The following PEX14 variants were observed in gnomAD, a reference collection of about 807,000 sequenced individuals.
PEX14 encodes peroxisomal membrane protein PEX14.
PEX14 carries 15 observed loss-of-function variants against 49.5 expected under a neutral mutation model. The observed-to-expected ratio is 0.30, with a 90% CI of 0.20 to 0.47. The LOEUF is 0.47. PEX14 is among the 20% of genes least tolerant of loss of function. The pLI is 1.00. For missense variants in PEX14, 398 were observed against 494.8 expected (o/e 0.80, Z 1.86); for synonymous variants, 210 against 212.7 (o/e 0.99, Z 0.11).
chr1:10,591,726 T>C (rs917421655), intron 3 of PEX14, among the ~76,000 whole-genome samples: 1 of 151,968 alleles, frequency 6.6e-6, no homozygotes, highest in Admixed American at 6.6e-5. Flanking sequence ...CCTGATGTTC[T>C]CTTTGGCTTT....
At position 10,624,362 on chromosome 1, in the gene PEX14, C is replaced by T. The variant is rs1319304159; in HGVS notation, c.510C>T (p.Leu170=). 5.6e-6 allele frequency: 9 copies of T among 1,612,850 alleles called. No individual in the cohort carries two copies. The highest frequency in any genetic ancestry group is 3.3e-5 in the Admixed American group (2 of 60,008). The change falls in exon 7 of 9, where the codon CTC becomes CTT. Residue 170 remains leucine (L), a synonymous_variant. Coordinates refer to ENST00000356607, the MANE Select transcript of PEX14 (RefSeq NM_004565.3). The part of the protein sequence containing the change: ...AQTVTQLQTT[L]ASVQELLIQQ... Reference sequence around the variant, plus strand: ...CAGTGACTCAGTTACAGACGACCCTCGCCTCCGTCCAGGAGCTGCTGATTC... The same window carrying T: ...CAGTGACTCAGTTACAGACGACCCTTGCCTCCGTCCAGGAGCTGCTGATTC...
At chr1:10,520,145 C>CTTTTTTTTTTTTT (rs1412156646) in intron 2 of PEX14, among the ~76,000 whole-genome samples, 8 of 64,446 alleles carry the variant, frequency 1.2e-4, no homozygotes, top group African/African-American at 4.2e-4. Flanking sequence ...TGGCCTTCTT[C>CTTTTTTTTTTTTT]TTCTTTTTTT....
chr1:10,603,751 A>G (rs1054741271), intron 4 of PEX14, among the ~76,000 whole-genome samples: 6 of 152,212 alleles, frequency 3.9e-5, no homozygotes, highest in African/African-American at 4.8e-5. Flanking sequence ...AGAAGCTTTG[A>G]GATATAAGCA....
At chr1:10,586,699 G>A (rs1465140925) in intron 3 of PEX14, among the ~76,000 whole-genome samples, 5 of 143,336 alleles carry the variant, frequency 3.5e-5, no homozygotes, top group African/African-American at 1.3e-4. Flanking sequence ...GAGTGCAGTG[G>A]CGTGATCTCT....
rs1292096356 is a variant in PEX14, at chr1:10,613,951, G to T, written c.299-4381G>T. On this transcript the variant is annotated intron_variant, in intron 4 of 8. Transcript: ENST00000356607. This position sits in a 1 kb window ranked among gnomAD's most constrained non-coding sequence, Gnocchi z 5.0. ...GAGAAGAGTGACTGCCCCATCTCCTGCCCTTGTCTTTATACCTCCGGACAT... is the reference window on the plus strand; with the variant it reads ...GAGAAGAGTGACTGCCCCATCTCCTTCCCTTGTCTTTATACCTCCGGACAT... 6.6e-6 allele frequency among the ~76,000 whole-genome samples: 1 copy of T among 152,214 alleles called. No homozygotes were observed. Among genetic ancestry groups the T allele is most frequent in the South Asian group, 2.1e-4 (1 of 4,828 alleles).
intron 2 of PEX14, among the ~76,000 whole-genome samples, chr1:10,507,010 A>C (rs1641794551): frequency 6.6e-6 from 1 of 152,238 alleles, no homozygotes; most frequent in Admixed American, 6.5e-5. Context: ...CCGAACAATT[A>C]CTAGCTCCGA....
chr1:10,511,015 C>T (rs937343900), intron 2 of PEX14, among the ~76,000 whole-genome samples: 1 of 152,032 alleles, frequency 6.6e-6, no homozygotes, highest in Non-Finnish European at 1.5e-5. Flanking sequence ...TGCTCACTCC[C>T]ACCTCCTCGT....
In PEX14 at chr1:10,596,555, T is replaced by G. The variant is rs567781852; in HGVS notation, c.170-2683T>G. ...TAGGACATAGTTTGAGTCTGCCATTTGATGTTTTGTAACTCTGGTGTAGTG... is the reference window on the plus strand; with the variant it reads ...TAGGACATAGTTTGAGTCTGCCATTGGATGTTTTGTAACTCTGGTGTAGTG... On this transcript the variant is annotated intron_variant, in intron 3 of 8. Coordinates refer to ENST00000356607, the MANE Select transcript of PEX14 (RefSeq NM_004565.3). 5.9e-5 allele frequency among the ~76,000 whole-genome samples: 9 copies of G among 152,300 alleles called. No homozygotes were observed. In the South Asian group the frequency reaches 1.9e-3, roughly 32 times the overall value.
At chr1:10,575,450 A>C (rs935163233) in intron 3 of PEX14, among the ~76,000 whole-genome samples, 1 of 152,214 alleles carries the variant, frequency 6.6e-6, no homozygotes, top group Non-Finnish European at 1.5e-5. Flanking sequence ...TAATTTTTCA[A>C]CACCCATGGT....
chr1:10,481,623 G>T lies in PEX14; in HGVS notation c.36+6621G>T, dbSNP rs72869126. On this transcript the variant is annotated intron_variant, in intron 1 of 8. Coordinates refer to ENST00000356607, the MANE Select transcript of PEX14 (RefSeq NM_004565.3). ...TGCCCAGCTAATTATTTTTTGTAGA[G>T]GTCGGGTCTCGCTGTGTCGCCCAGG... Among the ~76,000 whole-genome samples the T allele has an allele frequency of 5.0e-3, 753 of 151,898 alleles. 2 individuals carry two copies. Among genetic ancestry groups the T allele is most frequent in the African/African-American group, 0.017 (710 of 41,402 alleles).
chr1:10,577,684 T>C (rs1351836141), intron 3 of PEX14, among the ~76,000 whole-genome samples: 20 of 137,320 alleles, frequency 1.5e-4, no homozygotes, highest in African/African-American at 5.3e-4. Context: ...CTCCGCCTCC[T>C]GAGTTGGGAG....
At chr1:10,541,124 G>A (rs1304511751) in intron 3 of PEX14, among the ~76,000 whole-genome samples, 5 of 152,346 alleles carry the variant, frequency 3.3e-5, no homozygotes, top group Non-Finnish European at 2.9e-5. Context: ...GCCGATCTGG[G>A]TTCTCTCACT....
At chr1:10,612,081 C>T (rs1303726412) in intron 4 of PEX14, among the ~76,000 whole-genome samples, 2 of 152,088 alleles carry the variant, frequency 1.3e-5, no homozygotes, top group African/African-American at 4.8e-5. Context: ...CAAAGATTTT[C>T]TTCTATGTTT....
At chr1:10,497,465 AT>A (rs1454172051) in intron 2 of PEX14, among the ~76,000 whole-genome samples, 1 of 152,012 alleles carries the variant, frequency 6.6e-6, no homozygotes, top group African/African-American at 2.4e-5. Flanking sequence ...AGGCCTGAGG[AT>A]GGGGAACAGA....
chr1:10,508,727 G>A (rs1020068109), intron 2 of PEX14, among the ~76,000 whole-genome samples: 14 of 152,226 alleles, frequency 9.2e-5, no homozygotes, highest in African/African-American at 2.4e-4. Flanking sequence ...CAAATTGGCC[G>A]TGACATTTCA....
At chr1:10,567,738 G>A (rs1257541078) in intron 3 of PEX14, among the ~76,000 whole-genome samples, 1 of 152,020 alleles carries the variant, frequency 6.6e-6, no homozygotes, top group African/African-American at 2.4e-5. Context: ...CAAGTGATCC[G>A]CCTGCCTCAT....
chr1:10,590,306 A>G (rs1640625266), intron 3 of PEX14, among the ~76,000 whole-genome samples: 1 of 152,264 alleles, frequency 6.6e-6, no homozygotes, highest in Non-Finnish European at 1.5e-5. Context: ...CAAAGAGTTA[A>G]AGATGTAAAG....
intron 3 of PEX14, among the ~76,000 whole-genome samples, chr1:10,561,115 G>A (rs965618407): frequency 6.6e-6 from 1 of 152,046 alleles, no homozygotes; most frequent in African/African-American, 2.4e-5. Context: ...TAGATATCAT[G>A]ACACTTCACC....
chr1:10,555,631 G>A (rs577082167), intron 3 of PEX14, among the ~76,000 whole-genome samples: 2 of 111,302 alleles, frequency 1.8e-5, no homozygotes, highest in South Asian at 3.8e-4. Flanking sequence ...GAGCAGAGCC[G>A]GCAAGGTGTG....
Sources: allele counts gnomAD v4.1 joint callset (sites outside exome capture counted in the v4.1 genomes callset), GRCh38; gene constraint gnomAD v4.1.1; non-coding constraint Gnocchi (gnomAD v3.1); transcripts MANE v1.5; gene names NCBI Gene and HGNC (gene_info 2026-07-23, HGNC 2026-07-21).